Variants in TMEM132D observed in about 807,000 individuals in gnomAD.
The protein encoded by TMEM132D is transmembrane protein 132D, also known as mature OL transmembrane protein.
TMEM132D carries 21 observed loss-of-function variants against 62.3 expected under a neutral mutation model. The observed-to-expected ratio is 0.34, with a 90% CI of 0.24 to 0.49. The LOEUF is 0.49. Among genes scored for constraint, TMEM132D ranks in the 20% least tolerant of loss-of-function variants. The probability of loss-of-function intolerance (pLI) is 0.99; values close to 1 mark genes in which losing one functional copy is unlikely to be tolerated. For synonymous variants in TMEM132D, 621 were observed against 575.6 expected (o/e 1.08, Z -1.13); for missense variants, 1,346 against 1,402.8 (o/e 0.96, Z 0.65).
At chr12:129,126,542 T>A (rs1218206075) in intron 5 of TMEM132D, among the ~76,000 whole-genome samples, 2 of 152,098 alleles carry the variant, frequency 1.3e-5, no homozygotes, top group African/African-American at 4.8e-5. Flanking sequence ...GCTGTGAACA[T>A]CCCATCTGCA....
intron 2 of TMEM132D, among the ~76,000 whole-genome samples, chr12:129,593,178 A>C (rs901344974): frequency 2.0e-5 from 3 of 152,190 alleles, no homozygotes; most frequent in Non-Finnish European, 2.9e-5. Context: ...CAGGGAAATT[A>C]AATGGTTGGA....
chr12:129,086,849 AATG>A (rs1319453605), intron 5 of TMEM132D, among the ~76,000 whole-genome samples: 1 of 151,930 alleles, frequency 6.6e-6, no homozygotes, highest in Non-Finnish European at 1.5e-5. Context: ...TTTTCAATGT[AATG>A]ATTTTTCTTT....
At chr12:129,311,972 C>T (rs964069743) in intron 4 of TMEM132D, among the ~76,000 whole-genome samples, 6 of 152,016 alleles carry the variant, frequency 3.9e-5, no homozygotes, top group South Asian at 2.1e-4. Context: ...TAAGTGTGGA[C>T]GCAATTGTGT....
intron 5 of TMEM132D, among the ~76,000 whole-genome samples, chr12:129,174,637 C>T (rs1877849189): frequency 6.6e-6 from 1 of 152,114 alleles, no homozygotes; most frequent in South Asian, 2.1e-4. Context: ...GCTTCTAGAT[C>T]CTTGAGGAAT....
At chr12:129,805,292 T>C (rs1351765059) in intron 1 of TMEM132D, among the ~76,000 whole-genome samples, 2 of 152,038 alleles carry the variant, frequency 1.3e-5, no homozygotes, top group East Asian at 1.9e-4. Flanking sequence ...CTTCAAACTA[T>C]ACTACAAGGC....
At chr12:129,736,936 G>C (rs1322572515) in intron 1 of TMEM132D, among the ~76,000 whole-genome samples, 1 of 151,310 alleles carries the variant, frequency 6.6e-6, no homozygotes, top group African/African-American at 2.4e-5. Flanking sequence ...TCCTGCCTCA[G>C]CCTCCCAAGT....
At chr12:129,078,162 C>G (rs11060120) in intron 8 of TMEM132D, among the ~76,000 whole-genome samples, 5 of 152,210 alleles carry the variant, frequency 3.3e-5, no homozygotes, top group African/African-American at 4.8e-5. Flanking sequence ...TGAGCCTGCA[C>G]GTGCCCTCAT....
intron 2 of TMEM132D, among the ~76,000 whole-genome samples, chr12:129,554,914 C>A (rs1937340215): frequency 6.6e-6 from 1 of 152,140 alleles, no homozygotes; most frequent in Admixed American, 6.5e-5. Flanking sequence ...CCTTTGGTGA[C>A]TTCTCCCTGT....
chr12:129,558,721 T>C (rs79928763), intron 2 of TMEM132D, among the ~76,000 whole-genome samples: 1 of 152,148 alleles, frequency 6.6e-6, no homozygotes, highest in African/African-American at 2.4e-5. Flanking sequence ...TAACTGATGT[T>C]CTAGTGCTGA....
At chr12:129,709,182 C>T (rs1016582594) in intron 1 of TMEM132D, among the ~76,000 whole-genome samples, 12 of 152,124 alleles carry the variant, frequency 7.9e-5, no homozygotes, top group African/African-American at 2.7e-4. Flanking sequence ...GAATCATGGT[C>T]GGGGTCAAAT....
At chr12:129,676,615 C>T (rs546129251) in intron 2 of TMEM132D, among the ~76,000 whole-genome samples, 3 of 152,130 alleles carry the variant, frequency 2.0e-5, no homozygotes, top group African/African-American at 4.8e-5. Flanking sequence ...CTTGTGTGAA[C>T]GAACAGAGTG....
intron 1 of TMEM132D, among the ~76,000 whole-genome samples, chr12:129,787,072 T>G (rs953495451): frequency 2.6e-5 from 4 of 152,112 alleles, no homozygotes; most frequent in African/African-American, 9.7e-5. Context: ...CTGGGAGCTG[T>G]GAAAAGCTTT....
intron 1 of TMEM132D, among the ~76,000 whole-genome samples, chr12:129,892,205 T>C (rs1477268243): frequency 6.6e-6 from 1 of 152,216 alleles, no homozygotes; most frequent in Non-Finnish European, 1.5e-5. Context: ...CAGTGCTCTC[T>C]GGATAAAGTA....
chr12:129,550,265 C>A (rs980555462), intron 2 of TMEM132D, among the ~76,000 whole-genome samples: 2 of 152,126 alleles, frequency 1.3e-5, no homozygotes, highest in African/African-American at 4.8e-5. Context: ...CACTAAAAAA[C>A]CCTGAAAGAG....
intron 1 of TMEM132D, among the ~76,000 whole-genome samples, chr12:129,736,662 T>C (rs2137256138): frequency 6.6e-6 from 1 of 151,918 alleles, no homozygotes; most frequent in African/African-American, 2.4e-5. Context: ...AAGAGAAAAA[T>C]GTTCTAGGAG....
At chr12:129,563,560 C>G (rs534265330) in intron 2 of TMEM132D, among the ~76,000 whole-genome samples, 1 of 152,240 alleles carries the variant, frequency 6.6e-6, no homozygotes, top group South Asian at 2.1e-4. Flanking sequence ...AGAGATGTGT[C>G]TGTTTCTGGT....
intron 1 of TMEM132D, chr12:129,853,126 C>T (rs914845231): frequency 2.0e-5 from 3 of 152,128 alleles, no homozygotes; most frequent in African/African-American, 7.2e-5. Flanking sequence ...GTGGAAAAGC[C>T]GCACCATCAG....
chr12:129,321,109 T>A (rs1042745705), intron 4 of TMEM132D, among the ~76,000 whole-genome samples: 1 of 152,220 alleles, frequency 6.6e-6, no homozygotes, highest in Admixed American at 6.5e-5. Context: ...TCTATTTATA[T>A]AGAAAAGCAT....
In TMEM132D at chr12:129,356,562, A is replaced by T. The variant is rs137916510; in HGVS notation, c.1116-18745T>A. Among the ~76,000 whole-genome samples, 666 of 151,704 alleles carry T rather than the reference A, an allele frequency of 4.4e-3. 6 individuals are homozygous for T. Among genetic ancestry groups the T allele is most frequent in the South Asian group, 0.038 (182 of 4,800 alleles). The stretch of plus-strand genomic sequence containing the variant: ...GCCGGGCTCGGTGACTCATGCCTGT[A>T]ATCCTAACACTTTGGGAGGCCTAGG... On this transcript the variant is annotated intron_variant, in intron 3 of 8. Transcript: ENST00000422113.
Sources: allele counts gnomAD v4.1 joint callset (sites outside exome capture counted in the v4.1 genomes callset), GRCh38; gene constraint gnomAD v4.1.1; transcripts MANE v1.5; gene names NCBI Gene and HGNC (gene_info 2026-07-23, HGNC 2026-07-21).